Variants in FNTB observed in about 807,000 individuals in gnomAD.
FNTB encodes protein farnesyltransferase subunit beta.
In FNTB, 27 loss-of-function variants were observed where a neutral mutation model predicts 59.4. That is an observed-to-expected ratio of 0.45 (90% CI 0.34 to 0.63). FNTB has a LOEUF of 0.63. FNTB is among the 20% of genes least tolerant of loss of function. The pLI, the probability that FNTB is intolerant of heterozygous loss-of-function variation, is 0.02. For missense variants in FNTB, 449 were observed against 559.6 expected (o/e 0.80, Z 1.99); for synonymous variants, 230 against 220.7 (o/e 1.04, Z -0.37).
intron 1 of FNTB, among the ~76,000 whole-genome samples, chr14:64,996,711 A>G (rs1316291420): frequency 6.6e-6 from 1 of 151,738 alleles, no homozygotes; most frequent in African/African-American, 2.4e-5. Context: ...ACAAAAGTAT[A>G]ATAATGTAAT....
At chr14:65,040,198 C>T (rs1366037768) in intron 7 of FNTB, among the ~76,000 whole-genome samples, 2 of 151,404 alleles carry the variant, frequency 1.3e-5, no homozygotes, top group African/African-American at 2.4e-5. Flanking sequence ...TAAAAGATCA[C>T]TAGAATCAAC....
At chr14:65,040,768 G>A (rs767024921) in intron 7 of FNTB, 22 bp from the exon 8 acceptor site, 1 of 1,608,870 alleles carries the variant, frequency 6.2e-7, no homozygotes, top group Admixed American at 1.7e-5. Flanking sequence ...CACTCATTCT[G>A]CTTTTCTCAA....
intron 4 of FNTB, among the ~76,000 whole-genome samples, chr14:65,025,734 G>A (rs938167050): frequency 1.3e-5 from 2 of 152,154 alleles, no homozygotes; most frequent in Admixed American, 1.3e-4. Flanking sequence ...AGGATAGCTT[G>A]AGTCTGGGGA....
chr14:65,000,305 C>G (rs1420736352), intron 1 of FNTB, among the ~76,000 whole-genome samples: 1 of 151,970 alleles, frequency 6.6e-6, no homozygotes, highest in Non-Finnish European at 1.5e-5. Flanking sequence ...AACCACAGAT[C>G]AAAAATATTT....
chr14:65,041,502 C>T (rs915684442), intron 8 of FNTB, among the ~76,000 whole-genome samples: 8 of 152,196 alleles, frequency 5.3e-5, no homozygotes, highest in South Asian at 4.1e-4. Context: ...CACACACCTC[C>T]ACGGCCACCA....
At chr14:65,010,115 A>G (rs2061660557) in intron 2 of FNTB, among the ~76,000 whole-genome samples, 1 of 152,056 alleles carries the variant, frequency 6.6e-6, no homozygotes, top group Non-Finnish European at 1.5e-5. Flanking sequence ...TTTTCCCCTC[A>G]GTCTTGCTGC....
At position 65,029,538 on chromosome 14, in the gene FNTB, T is replaced by C. The variant is rs997433959; in HGVS notation, c.605+1757T>C. ...AAAAAATCAAATCACAGTGAACTCA[T>C]AGCAAGCACTATTTTTTCTCAGTTC... On this transcript the variant is annotated intron_variant, in intron 6 of 11. Coordinates refer to ENST00000246166, the MANE Select transcript of FNTB (RefSeq NM_002028.4). The surrounding 1 kb of genome is among the most constrained non-coding windows in gnomAD (Gnocchi z 4.7). Among the ~76,000 whole-genome samples, 5 of 152,248 alleles carry C rather than the reference T, an allele frequency of 3.3e-5. No homozygotes were observed. The highest frequency in any genetic ancestry group is 7.3e-5 in the Non-Finnish European group (5 of 68,044).
At chr14:65,038,026 A>G (rs1333932131) in intron 7 of FNTB, among the ~76,000 whole-genome samples, 2 of 151,998 alleles carry the variant, frequency 1.3e-5, no homozygotes, top group East Asian at 1.9e-4. Context: ...TGGTCTCCCA[A>G]AGTGCTGGGA....
intron 3 of FNTB, 34 bp from the exon 4 acceptor site, chr14:65,015,591 A>G: frequency 6.2e-7 from 1 of 1,611,698 alleles, no homozygotes; most frequent in Non-Finnish European, 8.5e-7. Flanking sequence ...GTGATTGTGA[A>G]TAAGGGATGT....
intron 3 of FNTB, among the ~76,000 whole-genome samples, chr14:65,015,232 C>T (rs1211740954): frequency 3.3e-5 from 5 of 151,388 alleles, no homozygotes; most frequent in South Asian, 2.1e-4. Flanking sequence ...CCTCCCAAGT[C>T]GCTGGGATTA....
intron 4 of FNTB, chr14:65,016,670 G>T (rs1047567524): frequency 1.3e-5 from 2 of 152,314 alleles, no homozygotes; most frequent in Non-Finnish European, 2.9e-5. Context: ...CATTCATTCT[G>T]TCTTAACAAT....
At chr14:65,033,897 T>C (rs1287302868) in intron 7 of FNTB, among the ~76,000 whole-genome samples, 1 of 152,198 alleles carries the variant, frequency 6.6e-6, no homozygotes, top group Non-Finnish European at 1.5e-5. Flanking sequence ...ATATATACTA[T>C]GATGGAATGA....
chr14:65,013,135 C>A (rs1296107604), intron 3 of FNTB, among the ~76,000 whole-genome samples: 5 of 152,100 alleles, frequency 3.3e-5, no homozygotes, highest in African/African-American at 4.8e-5. Flanking sequence ...ATTTGGGTTC[C>A]ACATTTGATT....
At chr14:65,006,258 T>G (rs2061588128) in intron 2 of FNTB, 4 of 1,609,220 alleles carry the variant, frequency 2.5e-6, no homozygotes, top group Non-Finnish European at 3.4e-6. Context: ...GAAAGACAGG[T>G]GGGAGGGTTA....
intron 7 of FNTB, among the ~76,000 whole-genome samples, chr14:65,034,741 T>C (rs1034666633): frequency 1.3e-5 from 2 of 152,366 alleles, no homozygotes; most frequent in Admixed American, 1.3e-4. Context: ...TATGGAATTA[T>C]AATGTCTGCT....
chr14:65,051,895 C>T (rs143210184), intron 9 of FNTB, among the ~76,000 whole-genome samples: 1,694 of 151,216 alleles, frequency 0.011, 13 homozygotes, highest in Non-Finnish European at 0.016. Flanking sequence ...CCTGGGTTCA[C>T]GCCATTCTCC....
rs1555335876 is a variant in FNTB at position 65,037,403 on chromosome 14, C to CTTTTTTTTTT, written c.693-3353_693-3344dup. On this transcript the variant is annotated intron_variant, in intron 7 of 11. Coordinates refer to ENST00000246166, the MANE Select transcript of FNTB (RefSeq NM_002028.4). The stretch of plus-strand genomic sequence containing the variant: ...TAGGCGTGAGCCACCACGCCGGGCC[C>CTTTTTTTTTT]TTTTTTTTTTTTTTTTTTTTTTTTT... Among the ~76,000 whole-genome samples, 149 of 29,686 alleles carry CTTTTTTTTTT rather than the reference C, an allele frequency of 5.0e-3. 23 individuals are homozygous for CTTTTTTTTTT. The highest frequency in any genetic ancestry group is 8.0e-3 in the Non-Finnish European group (110 of 13,696). 19.5% of individuals were successfully genotyped at this position (29,686 alleles called of 152,430 possible).
chr14:65,040,267 ATGTATATATATGTG>A (rs948166800), intron 7 of FNTB, among the ~76,000 whole-genome samples: 6 of 149,178 alleles, frequency 4.0e-5, no homozygotes, highest in African/African-American at 4.9e-5. Flanking sequence ...ATGTATATAT[ATGTATATATATGTG>A]TGTATATATA....
rs933422247 is a variant in FNTB at position 65,044,944 on chromosome 14, G to T, written c.955+501G>T. Among the ~76,000 whole-genome samples the T allele has an allele frequency of 3.3e-5, 5 of 152,168 alleles. No individual in the cohort carries two copies. The highest frequency in any genetic ancestry group is 2.6e-4 in the Admixed American group (4 of 15,278). On this transcript the variant is annotated intron_variant, in intron 9 of 11. Coordinates refer to ENST00000246166, the MANE Select transcript of FNTB (RefSeq NM_002028.4). The surrounding 1 kb of genome is among the most constrained non-coding windows in gnomAD (Gnocchi z 5.5). ...CTACACCATGGAGAAGAGACTCGCCGTGTCTGACTGGCTGCAGAGTTGTCA... is the reference window on the plus strand; with the variant it reads ...CTACACCATGGAGAAGAGACTCGCCTTGTCTGACTGGCTGCAGAGTTGTCA...
Sources: allele counts gnomAD v4.1 joint callset (sites outside exome capture counted in the v4.1 genomes callset), GRCh38; gene constraint gnomAD v4.1.1; non-coding constraint Gnocchi (gnomAD v3.1); transcripts MANE v1.5; gene names NCBI Gene and HGNC (gene_info 2026-07-23, HGNC 2026-07-21).